GRID2: variants seen among roughly 807,000 people sequenced by gnomAD.
GRID2 encodes glutamate receptor ionotropic, delta-2.
GRID2 carries 33 observed loss-of-function variants against 114.8 expected under a neutral mutation model. That is an observed-to-expected ratio of 0.29 (90% confidence interval 0.22 to 0.38). The LOEUF (loss-of-function observed/expected upper bound fraction) is 0.38, where lower values mean the gene tolerates loss of function less well. Ranked by LOEUF, GRID2 falls within the 10% of genes least tolerant of loss-of-function variation. The pLI is 1.00. For missense variants in GRID2, 1,184 were observed against 1,257.7 expected, an observed-to-expected ratio of 0.94 and a Z score of 0.89; for synonymous variants, 505 against 449.9, an observed-to-expected ratio of 1.12 and a Z score of -1.55.
In GRID2 at chr4:92,318,307, TA is replaced by T. The variant is rs1245445728; in HGVS notation, c.88+13564del. On this transcript the variant is annotated intron_variant, in intron 1 of 15. Coordinates refer to ENST00000282020, the MANE Select transcript of GRID2 (RefSeq NM_001510.4). ...ATATGTGTGTATATATATATATATA[TA>T]TTTTTTTTTTTTTTTTTGGTAAGCA... 4.8e-3 allele frequency among the ~76,000 whole-genome samples: 634 copies of T among 132,584 alleles called. 2 individuals carry two copies. Among genetic ancestry groups the T allele is most frequent in the African/African-American group, 0.018 (584 of 32,668 alleles). The allele number at this position is 132,584 out of a possible 152,430, so 87.0% of individuals were successfully genotyped here.
At chr4:92,662,130 G>C in intron 2 of GRID2, among the ~76,000 whole-genome samples, 1 of 150,956 alleles carries the variant, frequency 6.6e-6, no homozygotes, top group Non-Finnish European at 1.5e-5. Context: ...TTTCCTTTCT[G>C]TGTATGAAAA....
chr4:93,347,219 G>C (rs1412740992), intron 8 of GRID2, among the ~76,000 whole-genome samples: 1 of 151,728 alleles, frequency 6.6e-6, no homozygotes, highest in East Asian at 1.9e-4. Context: ...TAAATTTCAA[G>C]TTGTTAAAAA....
At position 93,626,295 on chromosome 4, in the gene GRID2, A is replaced by G. The variant is rs779197184; in HGVS notation, c.2220A>G (p.Val740=). ...TAAAATATGGAAATTATGCTTTCGTATGGGATGCAGCTGTATTGGAATATG... is the reference window on the plus strand; with the variant it reads ...TAAAATATGGAAATTATGCTTTCGTGTGGGATGCAGCTGTATTGGAATATG... The part of the protein sequence containing the change: ...QKVKYGNYAF[V]WDAAVLEYVA... Residue 740 remains valine, a synonymous_variant, in exon 14 of 16, where the codon GTA becomes GTG. Transcript: ENST00000282020. 1.9e-6 allele frequency: 3 copies of G among 1,598,644 alleles called. No homozygotes were observed. Among genetic ancestry groups the G allele is most frequent in the Non-Finnish European group, 2.6e-6 (3 of 1,169,224 alleles).
chr4:93,485,189 T>G (rs1726265026), intron 11 of GRID2, among the ~76,000 whole-genome samples: 1 of 151,868 alleles, frequency 6.6e-6, no homozygotes, highest in Non-Finnish European at 1.5e-5. Context: ...TTTCATATAT[T>G]TATTGGCCAT....
In GRID2 at chr4:93,110,932, A is replaced by G; in HGVS notation, c.714A>G (p.Thr238=). Residue 238 remains threonine (T), a synonymous_variant, in exon 4 of 16, where the codon ACA becomes ACG. Coordinates refer to ENST00000282020, the MANE Select transcript of GRID2 (RefSeq NM_001510.4). ...RRAILVMNPA[T]AKSFITEVVE... The stretch of plus-strand genomic sequence containing the variant: ...CGATCCTTGTTATGAATCCTGCTAC[A>G]GCCAAATCCTTCATTACTGAGGTAA... 1 of 1,609,882 alleles carries G rather than the reference A, an allele frequency of 6.2e-7. No individual in the cohort carries two copies.
chr4:92,520,872 A>G (rs1336622481), intron 1 of GRID2, among the ~76,000 whole-genome samples: 1 of 151,928 alleles, frequency 6.6e-6, no homozygotes, highest in African/African-American at 2.4e-5. Flanking sequence ...GCAGAGGATA[A>G]GGTCATAGGG....
Position 93,129,236 on chromosome 4 carries a change from G to A in GRID2, c.735+18283G>A, listed in dbSNP as rs114337793. Among the ~76,000 whole-genome samples, 847 of 152,176 alleles carry A rather than the reference G, an allele frequency of 5.6e-3. 11 individuals carry two copies. The highest frequency in any genetic ancestry group is 0.019 in the African/African-American group (789 of 41,506). ...ACTTAATTGCATTTTAAACTGTAAC[G>A]TGTTTCTTGGCCCACCTTTCTGAGA... On this transcript the variant is annotated intron_variant, in intron 4 of 15. Coordinates refer to ENST00000282020, the MANE Select transcript of GRID2 (RefSeq NM_001510.4).
Position 93,508,485 on chromosome 4 carries a change from A to G in GRID2, c.1998-6731A>G, listed in dbSNP as rs879224690. The stretch of plus-strand genomic sequence containing the variant: ...GCTGGGATTACAGGCATGAGCCACC[A>G]TGCCTGGCCTTGTTTTTGATTTTTT... On this transcript the variant is annotated intron_variant, in intron 12 of 15. Transcript: ENST00000282020. Among the ~76,000 whole-genome samples, 39 of 152,136 alleles carry G rather than the reference A, an allele frequency of 2.6e-4. No individual in the cohort carries two copies. The South Asian group carries it at 3.1e-3, about 12-fold the overall frequency.
intron 11 of GRID2, among the ~76,000 whole-genome samples, chr4:93,480,041 G>C (rs1390966846): frequency 6.6e-6 from 1 of 152,038 alleles, no homozygotes; most frequent in Non-Finnish European, 1.5e-5. Flanking sequence ...CATGGATTCT[G>C]TCAAAAGAAA....
intron 1 of GRID2, among the ~76,000 whole-genome samples, chr4:92,401,367 T>G (rs374057968): frequency 1.3e-5 from 2 of 152,182 alleles, no homozygotes; most frequent in African/African-American, 4.8e-5. Flanking sequence ...CAGATACCTA[T>G]AGTGAACCAA....
chr4:93,785,323 G>T (rs1448046275), intron 1 of GRID2, among the ~76,000 whole-genome samples: 5 of 152,144 alleles, frequency 3.3e-5, no homozygotes, highest in African/African-American at 1.2e-4. Flanking sequence ...CAATAAATTG[G>T]AATAAGTAGT....
At chr4:92,894,489 T>C (rs1052159354) in intron 2 of GRID2, among the ~76,000 whole-genome samples, 1 of 152,126 alleles carries the variant, frequency 6.6e-6, no homozygotes, top group Non-Finnish European at 1.5e-5. Context: ...ATAAATAAAC[T>C]ACAAGTACAG....
chr4:92,517,130 G>A (rs1000803839), intron 1 of GRID2, among the ~76,000 whole-genome samples: 3 of 151,724 alleles, frequency 2.0e-5, no homozygotes, highest in South Asian at 4.1e-4. Flanking sequence ...GGATGCCCTC[G>A]TAGGCTTACC....
At chr4:93,393,705 T>C (rs561711920) in intron 8 of GRID2, among the ~76,000 whole-genome samples, 2 of 152,128 alleles carry the variant, frequency 1.3e-5, no homozygotes, top group African/African-American at 4.8e-5. Flanking sequence ...CATAGCATTG[T>C]TGAAACAAAT....
intron 2 of GRID2, among the ~76,000 whole-genome samples, chr4:92,831,680 G>T (rs569621367): frequency 6.6e-6 from 1 of 151,930 alleles, no homozygotes; most frequent in East Asian, 1.9e-4. Context: ...GTAAGGAGAT[G>T]CTGTCTCTAC....
intron 14 of GRID2, among the ~76,000 whole-genome samples, chr4:93,677,379 AC>A (rs1413272096): frequency 6.6e-6 from 1 of 152,126 alleles, no homozygotes; most frequent in African/African-American, 2.4e-5. Flanking sequence ...GACAGCAGTA[AC>A]CTCTGCAGAC....
intron 2 of GRID2, among the ~76,000 whole-genome samples, chr4:92,835,782 G>T (rs1742410885): frequency 6.6e-6 from 1 of 152,056 alleles, no homozygotes; most frequent in African/African-American, 2.4e-5. Context: ...TTAAAAAATT[G>T]TTTTAATGGT....
intron 6 of GRID2, among the ~76,000 whole-genome samples, chr4:93,217,644 G>A (rs1744390907): frequency 1.3e-5 from 2 of 151,596 alleles, no homozygotes; most frequent in Non-Finnish European, 2.9e-5. Context: ...CAACAGCAGG[G>A]AGCCTTAAGG....
chr4:93,359,460 A>C (rs1245877185), intron 8 of GRID2, among the ~76,000 whole-genome samples: 1 of 151,756 alleles, frequency 6.6e-6, no homozygotes, highest in Non-Finnish European at 1.5e-5. Flanking sequence ...TTATTTTAAA[A>C]TATGCAATGA....
Sources: gnomAD v4.1 joint callset for allele counts (sites outside exome capture counted in the v4.1 genomes callset) on GRCh38, gnomAD v4.1.1 for gene constraint, MANE v1.5 for transcripts, NCBI Gene and HGNC (gene_info 2026-07-23, HGNC 2026-07-21) for gene names.